MGAT4C: variants seen among roughly 807,000 people sequenced by gnomAD.
MGAT4C encodes alpha-1,3-mannosyl-glycoprotein 4-beta-N-acetylglucosaminyltransferase C.
A neutral mutation model predicts 40.1 loss-of-function variants in MGAT4C; 19 were observed. That is an observed-to-expected ratio of 0.47 (90% CI 0.33 to 0.70). MGAT4C has a LOEUF of 0.70. MGAT4C is among the 30% of genes least tolerant of loss of function. MGAT4C has a pLI of 0.02. For missense variants in MGAT4C, 491 were observed against 563.2 expected (o/e 0.87, Z 1.30); for synonymous variants, 181 against 187.1 (o/e 0.97, Z 0.27).
intron 1 of MGAT4C, among the ~76,000 whole-genome samples, chr12:86,148,220 A>G (rs1393791548): frequency 6.6e-6 from 1 of 152,198 alleles, no homozygotes; most frequent in Non-Finnish European, 1.5e-5. Flanking sequence ...AGAACCAGGA[A>G]TCATTAAGCC....
At chr12:86,429,734 G>A (rs1555187860) in intron 3 of MGAT4C, among the ~76,000 whole-genome samples, 1 of 151,834 alleles carries the variant, frequency 6.6e-6, no homozygotes, top group Non-Finnish European at 1.5e-5. Context: ...TTATTGTTTT[G>A]TTATTATATG....
At position 86,364,376 on chromosome 12, in the gene MGAT4C, C is replaced by G. The variant is rs569192843; in HGVS notation, c.-119-30249G>C. On this transcript the variant is annotated intron_variant, in intron 3 of 7. Coordinates refer to the MGAT4C transcript ENST00000548651. ...CTAAGCATAATTTATTTGTCAATAC[C>G]AACACCAAGAATGTTATTTCCTAAG... Among the ~76,000 whole-genome samples the G allele has an allele frequency of 5.3e-5, 8 of 152,156 alleles. No homozygotes were observed. The East Asian group carries it at 1.2e-3, about 22-fold the overall frequency.
At chr12:86,812,549 C>T (rs180784431) in intron 1 of MGAT4C, among the ~76,000 whole-genome samples, 1 of 152,108 alleles carries the variant, frequency 6.6e-6, no homozygotes, top group East Asian at 1.9e-4. Flanking sequence ...TATTAAACTT[C>T]TTTCTGTCTC....
intron 2 of MGAT4C, among the ~76,000 whole-genome samples, chr12:86,611,456 TGATAGATAGATAGATA>T (rs5799787): frequency 2.1e-5 from 3 of 143,662 alleles, no homozygotes; most frequent in Admixed American, 7.1e-5. Context: ...GATAGATAGA[TGATAGATAGATAGATA>T]GATAGATAGA....
chr12:86,049,638 C>T (rs1375584883), intron 2 of MGAT4C, 36 bp downstream of exon 2: 1 of 948,334 alleles, frequency 1.1e-6, no homozygotes, highest in African/African-American at 1.8e-5. Context: ...AAGTGTAGTA[C>T]CTTAGAATAC....
rs573594211 is a variant in MGAT4C, at chr12:86,647,145, A to G, written c.-229+80064T>C. 3.3e-5 allele frequency among the ~76,000 whole-genome samples: 5 copies of G among 152,038 alleles called. No homozygotes were observed. In the South Asian group the frequency reaches 8.3e-4, roughly 25 times the overall value. ...AGAGAGACTGGTCCCCTGCTGACCTACAAGCTGACTGCAGTCCCATGAGTT... is the reference window on the plus strand; with the variant it reads ...AGAGAGACTGGTCCCCTGCTGACCTGCAAGCTGACTGCAGTCCCATGAGTT... On this transcript the variant is annotated intron_variant, in intron 2 of 7. Coordinates refer to the MGAT4C transcript ENST00000548651.
At chr12:86,251,199 G>C (rs764435096) in intron 1 of MGAT4C, among the ~76,000 whole-genome samples, 1 of 149,008 alleles carries the variant, frequency 6.7e-6, no homozygotes, top group African/African-American at 2.5e-5. Context: ...ATTGTATTCC[G>C]GTAGTCTGGT....
intron 1 of MGAT4C, among the ~76,000 whole-genome samples, chr12:86,777,532 A>C (rs1447787466): frequency 6.6e-6 from 1 of 152,120 alleles, no homozygotes; most frequent in Admixed American, 6.6e-5. Context: ...GGCAATACTA[A>C]ATTAGAGGCA....
chr12:86,770,686 T>C (rs981240603), intron 1 of MGAT4C, among the ~76,000 whole-genome samples: 3 of 152,086 alleles, frequency 2.0e-5, no homozygotes, highest in Non-Finnish European at 4.4e-5. Context: ...AACTTATGTA[T>C]GAATTCTTTC....
At chr12:86,649,916 T>C (rs527984120) in intron 2 of MGAT4C, among the ~76,000 whole-genome samples, 3 of 151,852 alleles carry the variant, frequency 2.0e-5, no homozygotes, top group African/African-American at 4.8e-5. Flanking sequence ...ATATTAAAAA[T>C]GTTAAAAAGA....
At chr12:86,192,878 T>A (rs1011794034) in intron 1 of MGAT4C, among the ~76,000 whole-genome samples, 5 of 152,198 alleles carry the variant, frequency 3.3e-5, no homozygotes, top group African/African-American at 1.2e-4. Context: ...TGTTCAAACT[T>A]AGCATTCTAA....
intron 2 of MGAT4C, among the ~76,000 whole-genome samples, chr12:86,606,437 A>G (rs192749102): frequency 6.6e-5 from 10 of 152,304 alleles, no homozygotes; most frequent in Admixed American, 6.5e-4. Context: ...TATGTAAAAT[A>G]ACAAAAATAC....
intron 1 of MGAT4C, among the ~76,000 whole-genome samples, chr12:86,131,439 T>C (rs1341220384): frequency 1.3e-5 from 2 of 152,230 alleles, no homozygotes; most frequent in African/African-American, 4.8e-5. Context: ...TACATATTTC[T>C]TGAAGTACAA....
chr12:86,331,402 A>C (rs933029494), intron 4 of MGAT4C, among the ~76,000 whole-genome samples: 1 of 152,000 alleles, frequency 6.6e-6, no homozygotes, highest in South Asian at 2.1e-4. Flanking sequence ...AAACTCTACC[A>C]TTTTGCCCCT....
At chr12:86,358,765 A>T (rs1378124415) in intron 3 of MGAT4C, among the ~76,000 whole-genome samples, 1 of 152,234 alleles carries the variant, frequency 6.6e-6, no homozygotes, top group Non-Finnish European at 1.5e-5. Flanking sequence ...TCAATTCAAC[A>T]AGAAGAGCTA....
chr12:86,604,811 T>TA (rs1175261431), intron 2 of MGAT4C, among the ~76,000 whole-genome samples: 5 of 152,040 alleles, frequency 3.3e-5, no homozygotes, highest in South Asian at 2.1e-4. Context: ...GAATTAAAAA[T>TA]AAAAAATTAT....
At chr12:86,285,629 G>C (rs1039119754) in intron 4 of MGAT4C, among the ~76,000 whole-genome samples, 2 of 151,870 alleles carry the variant, frequency 1.3e-5, no homozygotes, top group Non-Finnish European at 1.5e-5. Flanking sequence ...TTGATACACT[G>C]ATTCTGAAAA....
chr12:86,145,864 T>C (rs1460025107), intron 1 of MGAT4C, among the ~76,000 whole-genome samples: 2 of 152,120 alleles, frequency 1.3e-5, no homozygotes, highest in Non-Finnish European at 2.9e-5. Flanking sequence ...TCTTTTCCAA[T>C]ATTAGACCCT....
intron 1 of MGAT4C, among the ~76,000 whole-genome samples, chr12:86,225,097 G>T (rs1273135562): frequency 1.4e-5 from 2 of 146,938 alleles, no homozygotes; most frequent in Non-Finnish European, 3.1e-5. Flanking sequence ...GAAAAAAAGA[G>T]ATTTTATAAC....
Sources: allele counts gnomAD v4.1 joint callset (sites outside exome capture counted in the v4.1 genomes callset), GRCh38; gene constraint gnomAD v4.1.1; transcripts MANE v1.5; gene names NCBI Gene and HGNC (gene_info 2026-07-23, HGNC 2026-07-21).